ZBTB24: variants seen among roughly 807,000 people sequenced by gnomAD.
ZBTB24 encodes zinc finger and BTB domain containing 24, also known as zinc finger and BTB domain-containing protein 24.
In ZBTB24, 32 loss-of-function variants were observed where a neutral mutation model predicts 53.8. That is an observed-to-expected ratio of 0.60 (90% CI 0.45 to 0.80). The LOEUF (loss-of-function observed/expected upper bound fraction) is 0.80, where lower values mean the gene tolerates loss of function less well. Among genes scored for constraint, ZBTB24 ranks in the 30% least tolerant of loss-of-function variants. The pLI, the probability that ZBTB24 is intolerant of heterozygous loss-of-function variation, is 0.00. For missense variants in ZBTB24, 722 were observed against 837.1 expected (o/e 0.86, Z 1.70); for synonymous variants, 297 against 306.7 (o/e 0.97, Z 0.33).
chr6:109,467,867 A>C, intron 5 of ZBTB24, 133 bp from the exon 6 acceptor site: 2 of 1,028,776 alleles, frequency 1.9e-6, no homozygotes, highest in Non-Finnish European at 2.8e-6. Flanking sequence ...TCCCCTCCGT[A>C]AGCGTAAACG....
At chr6:109,475,099 G>T (rs1035625154) in intron 5 of ZBTB24, among the ~76,000 whole-genome samples, 1 of 142,322 alleles carries the variant, frequency 7.0e-6, no homozygotes, top group Non-Finnish European at 1.5e-5. Flanking sequence ...AGTAAATTAA[G>T]AGTGAAACAT....
intron 1 of ZBTB24, 30 bp from the exon 2 acceptor site, chr6:109,482,084 A>T: frequency 8.7e-6 from 13 of 1,501,654 alleles, no homozygotes; most frequent in Non-Finnish European, 1.2e-5. Context: ...TTTAAAAAGG[A>T]GAAAGCACTG....
chr6:109,475,342 C>G, intron 5 of ZBTB24, 57 bp downstream of exon 5: 2 of 1,603,450 alleles, frequency 1.2e-6, no homozygotes, highest in Non-Finnish European at 1.7e-6. Flanking sequence ...GAACTTCATT[C>G]TTCACTCTCC....
rs144122291 is a variant in ZBTB24, at chr6:109,477,032, A to C, written c.953-102T>G. On this transcript the variant is annotated intron_variant, in intron 2 of 6. Coordinates refer to ENST00000230122, the MANE Select transcript of ZBTB24 (RefSeq NM_014797.3). ...ATAAAGGATTTTTCTTAAAAGGCACACATCCAAAAGGCCAACAATGAACAC... is the reference window on the plus strand; with the variant it reads ...ATAAAGGATTTTTCTTAAAAGGCACCCATCCAAAAGGCCAACAATGAACAC... 1.8e-4 allele frequency: 264 copies of C among 1,494,148 alleles called. 3 individuals carry two copies. The African/African-American group carries it at 3.1e-3, about 18-fold the overall frequency. The allele number at this position is 1,494,148 out of a possible 1,614,324, so 92.6% of individuals were successfully genotyped here. A position where few individuals can be genotyped will look rare whatever the true frequency, so the allele number is the denominator to read the frequency against.
Position 109,466,541 on chromosome 6 carries a change from G to T in ZBTB24, c.1404C>A (p.Gly468=). The change falls in exon 7 of 7, where the codon GGC becomes GGA. Residue 468 remains glycine, a synonymous_variant. Coordinates refer to ENST00000230122, the MANE Select transcript of ZBTB24 (RefSeq NM_014797.3). ...TGGCACTGGAGTCAGAGAAGGATTT[G>T]CCACAAATGCCACAGGAGTATGGCT... ...GEKPYSCGIC[G]KSFSDSSAKR... 1 of 1,613,002 alleles carries T rather than the reference G, an allele frequency of 6.2e-7. No homozygotes were observed.
chr6:109,467,480 AGT>A, intron 6 of ZBTB24, 171 bp downstream of exon 6: 1 of 958,788 alleles, frequency 1.0e-6, no homozygotes, highest in South Asian at 4.8e-5. Context: ...CCTGGGCGAC[AGT>A]GAGACCCTGT....
At chr6:109,480,883 T>G in intron 2 of ZBTB24, 192 bp downstream of exon 2, 2 of 1,339,162 alleles carry the variant, frequency 1.5e-6, no homozygotes, top group Non-Finnish European at 2.0e-6. Flanking sequence ...AAATATGATT[T>G]TAATCATACA....
chr6:109,473,518 AAG>A (rs1217758005), intron 5 of ZBTB24, among the ~76,000 whole-genome samples: 1 of 152,098 alleles, frequency 6.6e-6, no homozygotes, highest in African/African-American at 2.4e-5. Flanking sequence ...CCATGCATAA[AAG>A]AGCAACTCTC....
At chr6:109,476,714 TG>T in intron 3 of ZBTB24, 48 bp downstream of exon 3, 1 of 1,598,818 alleles carries the variant, frequency 6.3e-7, no homozygotes, top group South Asian at 1.1e-5. Flanking sequence ...ATGCCCACCC[TG>T]GGGAATGGGA....
intron 2 of ZBTB24, among the ~76,000 whole-genome samples, chr6:109,479,318 A>G (rs935262340): frequency 1.3e-5 from 2 of 152,250 alleles, no homozygotes; most frequent in African/African-American, 4.8e-5. Flanking sequence ...AAATGCACTT[A>G]TACAGAGTAC....
rs555753165 is a variant in ZBTB24 at position 109,463,319 on chromosome 6, A to G, written c.*2532T>C. ...TTTTTTATTCAAAGGGGTAGAATGT[A>G]TATGTGGGACAAAGAAAGAGGCTAG... On this transcript the variant is annotated 3_prime_UTR_variant, in exon 7 of 7. Coordinates refer to ENST00000230122, the MANE Select transcript of ZBTB24 (RefSeq NM_014797.3). 3 of 152,284 alleles carry G rather than the reference A, an allele frequency of 2.0e-5. No individual in the cohort carries two copies. In the East Asian group the frequency reaches 5.8e-4, roughly 29 times the overall value. The allele number at this position is 152,284 out of a possible 1,614,324, so 9.4% of individuals were successfully genotyped here. A position where few individuals can be genotyped will look rare whatever the true frequency, so the allele number is the denominator to read the frequency against.
rs1776031803 is a variant in ZBTB24, at chr6:109,466,056, G to A, written c.1889C>T (p.Ser630Leu). Residue 630 changes from serine to leucine, a missense_variant, in exon 7 of 7, where the codon TCA (serine) becomes TTA (leucine). Coordinates refer to ENST00000230122, the MANE Select transcript of ZBTB24 (RefSeq NM_014797.3). ...LNMIESQMGP[S>L]QTEPVHVITL... ...GATCACGTGCACTGGCTCTGTTTGT[G>A]AGGGCCCCATCTGGCTTTCAATCAT... 44 of 1,614,204 alleles carry A rather than the reference G, an allele frequency of 2.7e-5. No homozygotes were observed. The highest frequency in any genetic ancestry group is 3.6e-5 in the Non-Finnish European group (43 of 1,180,038).
chr6:109,476,087 G>C lies in ZBTB24; in HGVS notation c.1204+88C>G, dbSNP rs1663116916. The stretch of plus-strand genomic sequence containing the variant: ...ACCCTATGTGAACGATATGTGCTAA[G>C]AGCAGAACAATATAAACCTAATGTT... On this transcript the variant is annotated intron_variant, in intron 4 of 6. Coordinates refer to ENST00000230122, the MANE Select transcript of ZBTB24 (RefSeq NM_014797.3). The C allele has an allele frequency of 6.8e-6, 10 of 1,464,040 alleles. No homozygotes were observed. The South Asian group carries it at 1.2e-4, about 17-fold the overall frequency. The allele number at this position is 1,464,040 out of a possible 1,614,324, so 90.7% of individuals were successfully genotyped here.
In ZBTB24 at chr6:109,467,725, G is replaced by A; in HGVS notation, c.1298C>T (p.Pro433Leu). ...KHLRTHTGEK[P>L]FTCEICGKSF... ...TTTGCCACAGATTTCACAAGTAAAT[G>A]GCTTCTCACCTAAAAAAAACAAAAA... The change falls in exon 6 of 7, where the codon CCA (proline) becomes CTA (leucine). Residue 433 changes from proline (P) to leucine (L), a missense_variant. Transcript: ENST00000230122. The A allele has an allele frequency of 1.2e-6, 2 of 1,613,770 alleles. No individual in the cohort carries two copies. The highest frequency in any genetic ancestry group is 4.5e-5 in the East Asian group (2 of 44,882).
chr6:109,480,943 C>T, intron 2 of ZBTB24, 132 bp downstream of exon 2: 1 of 1,508,910 alleles, frequency 6.6e-7, no homozygotes, highest in Non-Finnish European at 8.8e-7. Context: ...AGAAAATTAA[C>T]TGCAATAACA....
At chr6:109,476,999 A>G in intron 2 of ZBTB24, 69 bp from the exon 3 acceptor site, 1 of 1,563,662 alleles carries the variant, frequency 6.4e-7, no homozygotes, top group Middle Eastern at 1.7e-4. Context: ...TCCCAAATTA[A>G]AAAAACAATA....
intron 2 of ZBTB24, among the ~76,000 whole-genome samples, chr6:109,479,999 G>A (rs989297158): frequency 1.4e-5 from 2 of 147,554 alleles, no homozygotes; most frequent in African/African-American, 2.5e-5. Flanking sequence ...CACTTTGTTC[G>A]AAGTACCTGA....
Position 109,465,562 on chromosome 6 carries a change from G to A in ZBTB24, c.*289C>T, listed in dbSNP as rs528621101. 2.4e-6 allele frequency: 3 copies of A among 1,257,272 alleles called. No individual in the cohort carries two copies. Among genetic ancestry groups the A allele is most frequent in the East Asian group, 2.5e-5 (1 of 39,576 alleles). The allele number at this position is 1,257,272 out of a possible 1,614,324, so 77.9% of individuals were successfully genotyped here. On this transcript the variant is annotated 3_prime_UTR_variant, in exon 7 of 7. Transcript: ENST00000230122. ...CATTTAAACCTTACAGAAAAACTGA[G>A]ATCAATGCCCCCAAAGAAAAACTAC...
Position 109,483,145 on chromosome 6 carries a change from T to TCCGCC in ZBTB24, c.-81_-77dup, listed in dbSNP as rs1489631486. The TCCGCC allele has an allele frequency of 2.0e-5, 3 of 151,974 alleles. No homozygotes were observed. Among genetic ancestry groups the TCCGCC allele is most frequent in the African/African-American group, 7.3e-5 (3 of 41,352 alleles). 9.4% of individuals were successfully genotyped at this position (151,974 alleles called of 1,614,324 possible). A position where few individuals can be genotyped will look rare whatever the true frequency, so the allele number is the denominator to read the frequency against. On this transcript the variant is annotated 5_prime_UTR_variant, in exon 1 of 7. Transcript: ENST00000230122. ...ACGCCGGGGCCCGCTGGCCCTCCGC[T>TCCGCC]CCGCCCCGCCCGCCTCTGGGGCTTC...
Sources: allele counts gnomAD v4.1 joint callset (sites outside exome capture counted in the v4.1 genomes callset), GRCh38; gene constraint gnomAD v4.1.1; transcripts MANE v1.5; gene names NCBI Gene and HGNC (gene_info 2026-07-23, HGNC 2026-07-21).